Variants in ACER2 observed in about 807,000 individuals in gnomAD.
ACER2 encodes alkCDase 2.
A neutral mutation model predicts 34.7 loss-of-function variants in ACER2; 26 were observed. That is an observed-to-expected ratio of 0.75 (90% confidence interval 0.55 to 1.04). ACER2 has a LOEUF of 1.04. Among genes scored for constraint, ACER2 ranks in the 50% least tolerant of loss-of-function variants. The pLI, the probability that ACER2 is intolerant of heterozygous loss-of-function variation, is 0.00. For synonymous variants in ACER2, 138 were observed against 132.1 expected, an observed-to-expected ratio of 1.04 and a Z score of -0.31; for missense variants, 352 against 340.8, an observed-to-expected ratio of 1.03 and a Z score of -0.26.
At chr9:19,409,299 A>G in intron 1 of ACER2, 107 bp downstream of exon 1, 1 of 1,113,484 alleles carries the variant, frequency 9.0e-7, no homozygotes, top group Non-Finnish European at 1.3e-6. Flanking sequence ...ATCTGGGGGC[A>G]TTCTCTCCAG....
intron 1 of ACER2, 143 bp from the exon 2 acceptor site, chr9:19,423,715 AAAAG>A: frequency 1.6e-6 from 1 of 627,206 alleles, no homozygotes; most frequent in South Asian, 1.8e-5. Context: ...TCTCAAAGAG[AAAAG>A]AAAAAGAAAA....
chr9:19,446,957 A>G (rs1044317293), intron 5 of ACER2, among the ~76,000 whole-genome samples: 3 of 152,220 alleles, frequency 2.0e-5, no homozygotes, highest in African/African-American at 4.8e-5. Flanking sequence ...TTCTGTAGAA[A>G]ACAACCTTGG....
At chr9:19,409,715 C>G (rs979784113) in intron 1 of ACER2, 118 of 982,612 alleles carry the variant, frequency 1.2e-4, no homozygotes, top group Non-Finnish European at 1.3e-4. Flanking sequence ...CTATAATGGT[C>G]GAGTTATTTT....
intron 4 of ACER2, among the ~76,000 whole-genome samples, chr9:19,439,344 CT>C (rs55690063): frequency 0.011 from 1,589 of 138,616 alleles, 37 homozygotes; most frequent in African/African-American, 0.037. Flanking sequence ...AAGGGGCTTG[CT>C]TTTTTTTTTT....
chr9:19,444,910 T>A (rs1312916510), intron 4 of ACER2, among the ~76,000 whole-genome samples: 2 of 152,262 alleles, frequency 1.3e-5, no homozygotes, highest in African/African-American at 4.8e-5. Flanking sequence ...TATTTTGATT[T>A]GTTTTTGAAC....
intron 1 of ACER2, among the ~76,000 whole-genome samples, chr9:19,413,976 T>G (rs1204716334): frequency 6.6e-6 from 1 of 152,142 alleles, no homozygotes; most frequent in Non-Finnish European, 1.5e-5. Context: ...AATAGTCATA[T>G]GGGTGGTGAG....
At chr9:19,416,289 C>T (rs1368304171) in intron 1 of ACER2, among the ~76,000 whole-genome samples, 28 of 152,244 alleles carry the variant, frequency 1.8e-4, no homozygotes. Flanking sequence ...CATATGTGCA[C>T]AGTGTGTGAT....
intron 3 of ACER2, among the ~76,000 whole-genome samples, chr9:19,434,492 T>A (rs1025046075): frequency 9.2e-5 from 14 of 152,242 alleles, no homozygotes; most frequent in Non-Finnish European, 1.9e-4. Context: ...CATTGAGCAC[T>A]GAGTGAACCA....
At chr9:19,439,344 C>CTTTTTTTTTTTTTTTTTTTTTTTTT (rs55690063) in intron 4 of ACER2, among the ~76,000 whole-genome samples, 5 of 138,758 alleles carry the variant, frequency 3.6e-5, no homozygotes, top group Admixed American at 7.2e-5. Flanking sequence ...AAGGGGCTTG[C>CTTTTTTTTTTTTTTTTTTTTTTTTT]TTTTTTTTTT....
At chr9:19,416,210 C>A (rs1429281066) in intron 1 of ACER2, among the ~76,000 whole-genome samples, 2 of 152,168 alleles carry the variant, frequency 1.3e-5, no homozygotes, top group South Asian at 2.1e-4. Flanking sequence ...CCATTCATCT[C>A]CTTTTCTTCC....
chr9:19,425,681 G>C lies in ACER2; in HGVS notation c.365+840G>C, dbSNP rs151040109. ...AGGGTGCTGATTTAGAGTTTGGTCAGAGAAAGTCTTTCTGAGGAGCTGTGT... is the reference window on the plus strand; with the variant it reads ...AGGGTGCTGATTTAGAGTTTGGTCACAGAAAGTCTTTCTGAGGAGCTGTGT... On this transcript the variant is annotated intron_variant, in intron 3 of 5. Coordinates refer to ENST00000340967, the MANE Select transcript of ACER2 (RefSeq NM_001010887.3). 9.2e-5 allele frequency among the ~76,000 whole-genome samples: 14 copies of C among 152,326 alleles called. No homozygotes were observed. The East Asian group carries it at 2.5e-3, about 27-fold the overall frequency.
rs922335120 is a variant in ACER2 at position 19,442,572 on chromosome 9, G to A, written c.504-3709G>A. ...TGTCCTGGCACTTACAGTGACTAAC[G>A]GCCGGGCACCTCCCTCTCGGTTGAT... On this transcript the variant is annotated intron_variant, in intron 4 of 5. Coordinates refer to ENST00000340967, the MANE Select transcript of ACER2 (RefSeq NM_001010887.3). 2.6e-5 allele frequency among the ~76,000 whole-genome samples: 4 copies of A among 152,138 alleles called. 1 individual carries two copies. Among genetic ancestry groups the A allele is most frequent in the African/African-American group, 9.7e-5 (4 of 41,434 alleles).
At chr9:19,450,216 C>A in intron 5 of ACER2, 1 of 985,384 alleles carries the variant, frequency 1.0e-6, no homozygotes, top group Non-Finnish European at 1.2e-6. Context: ...TTCCTATTAT[C>A]CAGCAGGACT....
In ACER2 at chr9:19,450,866, A is replaced by G. The variant is rs890991438; in HGVS notation, c.*230A>G. 1.1e-5 allele frequency: 4 copies of G among 356,878 alleles called. No homozygotes were observed. Among genetic ancestry groups the G allele is most frequent in the African/African-American group, 2.1e-5 (1 of 47,890 alleles). The allele number at this position is 356,878 out of a possible 1,614,324, so 22.1% of individuals were successfully genotyped here. A position where few individuals can be genotyped will look rare whatever the true frequency, so the allele number is the denominator to read the frequency against. Reference sequence around the variant, plus strand: ...TGCAGTTTCCCATTTGTCTTTCAGTATGTTAATATTTTTGTGCCATACTGG... The same window carrying G: ...TGCAGTTTCCCATTTGTCTTTCAGTGTGTTAATATTTTTGTGCCATACTGG... On this transcript the variant is annotated 3_prime_UTR_variant, in exon 6 of 6. Coordinates refer to ENST00000340967, the MANE Select transcript of ACER2 (RefSeq NM_001010887.3).
Position 19,452,136 on chromosome 9 carries a change from T to C in ACER2, c.*1500T>C, listed in dbSNP as rs891553351. ...AGGTGCATGGTGGGAATTATCAACCTCAGGGATACTCATTTTAACTCAGGC... is the reference window on the plus strand; with the variant it reads ...AGGTGCATGGTGGGAATTATCAACCCCAGGGATACTCATTTTAACTCAGGC... On this transcript the variant is annotated 3_prime_UTR_variant, in exon 6 of 6. Coordinates refer to ENST00000340967, the MANE Select transcript of ACER2 (RefSeq NM_001010887.3). 6.5e-6 allele frequency: 1 copy of C among 152,674 alleles called. No homozygotes were observed. The highest frequency in any genetic ancestry group is 1.5e-5 in the Non-Finnish European group (1 of 68,040). The allele number at this position is 152,674 out of a possible 1,614,324, so 9.5% of individuals were successfully genotyped here. A position where few individuals can be genotyped will look rare whatever the true frequency, so the allele number is the denominator to read the frequency against.
intron 4 of ACER2, among the ~76,000 whole-genome samples, chr9:19,444,524 T>C (rs946316380): frequency 6.6e-6 from 1 of 152,212 alleles, no homozygotes; most frequent in African/African-American, 2.4e-5. Context: ...AATCTCATAA[T>C]GTTTTAAGAA....
At chr9:19,424,569 G>T in intron 2 of ACER2, 131 bp from the exon 3 acceptor site, 1 of 1,491,164 alleles carries the variant, frequency 6.7e-7, no homozygotes, top group Non-Finnish European at 8.9e-7. Context: ...TCTTTCTTCA[G>T]TTTCTTTTTT....
chr9:19,410,045 C>T (rs553155226), intron 1 of ACER2: 1 of 679,408 alleles, frequency 1.5e-6, no homozygotes, highest in South Asian at 6.6e-5. Context: ...GAATGTGAGA[C>T]TTTGCGTGGT....
chr9:19,432,580 A>G (rs6475330), intron 3 of ACER2, among the ~76,000 whole-genome samples: 11,809 of 102,472 alleles, frequency 0.12, 1,505 homozygotes, highest in African/African-American at 0.38. Flanking sequence ...ATGTGTGTGT[A>G]TATATATGAT....
Sources: gnomAD v4.1 joint callset for allele counts (sites outside exome capture counted in the v4.1 genomes callset) on GRCh38, gnomAD v4.1.1 for gene constraint, MANE v1.5 for transcripts, NCBI Gene and HGNC (gene_info 2026-07-23, HGNC 2026-07-21) for gene names.